The following SLC38A8 variants were observed in gnomAD, a reference collection of about 807,000 sequenced individuals.
SLC38A8 encodes solute carrier family 38 member 8, also known as amino acid transporter SLC38A8.
Under a neutral mutation model 46.0 loss-of-function variants are expected in SLC38A8, and 65 were observed. The observed-to-expected ratio is 1.41, with a 90% CI of 1.16 to 1.74. The LOEUF is 1.74. SLC38A8 is among the 40% of genes most tolerant of loss of function. The pLI, the probability that SLC38A8 is intolerant of heterozygous loss-of-function variation, is 0.00. For synonymous variants in SLC38A8, 447 were observed against 243.7 expected (o/e 1.83, Z -7.77); for missense variants, 998 against 567.9 (o/e 1.76, Z -7.70).
In SLC38A8 at chr16:84,009,755, G is replaced by T. The variant is rs933164490; in HGVS notation, c.*29C>A. On this transcript the variant is annotated 3_prime_UTR_variant, in exon 11 of 11. Coordinates refer to ENST00000299709, the MANE Select transcript of SLC38A8 (RefSeq NM_001080442.3). ...GCCACGTAGGGTCAGCCCCCGGAGG[G>T]CCCCTTCCTGCCCGGCACTAGCTGC... 1.2e-6 allele frequency: 2 copies of T among 1,601,392 alleles called. No individual in the cohort carries two copies. Among genetic ancestry groups the T allele is most frequent in the African/African-American group, 1.3e-5 (1 of 74,284 alleles).
rs9938437 is a variant in SLC38A8 at position 84,019,672 on chromosome 16, G to A, written c.806-2385C>T. On this transcript the variant is annotated intron_variant, in intron 7 of 10. Transcript: ENST00000299709. ...CCCCATGACCCCAAAGTCTTCATTC[G>A]CTCCAGCACCAACTCAGAGGTCCAA... 3.0e-4 allele frequency among the ~76,000 whole-genome samples: 45 copies of A among 152,120 alleles called. 1 individual carries two copies. The highest frequency in any genetic ancestry group is 1.6e-3 in the Admixed American group (24 of 15,276).
chr16:84,037,230 G>A (rs2085310418), intron 2 of SLC38A8, among the ~76,000 whole-genome samples: 1 of 152,234 alleles, frequency 6.6e-6, no homozygotes, highest in Non-Finnish European at 1.5e-5. Flanking sequence ...AAAATCGCCT[G>A]GGCTGTGGGT....
At chr16:84,039,338 A>G (rs945001957) in intron 2 of SLC38A8, among the ~76,000 whole-genome samples, 2 of 152,210 alleles carry the variant, frequency 1.3e-5, no homozygotes. Context: ...GGATTTCTCC[A>G]ATGTCCTCTC....
At chr16:84,023,008 G>A (rs1489967100) in intron 6 of SLC38A8, 119 bp from the exon 7 acceptor site, 1 of 658,104 alleles carries the variant, frequency 1.5e-6, no homozygotes, top group Non-Finnish European at 2.5e-6. Flanking sequence ...TCTTGAAATA[G>A]CCTGATCAAT....
intron 7 of SLC38A8, among the ~76,000 whole-genome samples, chr16:84,018,382 G>A (rs556599081): frequency 4.0e-4 from 60 of 151,852 alleles, no homozygotes; most frequent in Non-Finnish European, 6.6e-4. Flanking sequence ...ACAGACGCCC[G>A]CCACATTTTT....
chr16:84,030,192 G>T (rs976709100), intron 5 of SLC38A8, among the ~76,000 whole-genome samples: 2 of 152,156 alleles, frequency 1.3e-5, no homozygotes, highest in Non-Finnish European at 2.9e-5. Flanking sequence ...TATCAGCCAA[G>T]GAACACAGAT....
chr16:84,025,296 C>A (rs958534391), intron 6 of SLC38A8, among the ~76,000 whole-genome samples: 1 of 152,140 alleles, frequency 6.6e-6, no homozygotes, highest in Non-Finnish European at 1.5e-5. Flanking sequence ...CTGTAGGGAC[C>A]CTACGCAGGA....
chr16:84,033,427 G>T lies in SLC38A8; in HGVS notation c.431C>A (p.Pro144Gln). 1 of 1,612,332 alleles carries T rather than the reference G, an allele frequency of 6.2e-7. No individual in the cohort carries two copies. Among genetic ancestry groups the T allele is most frequent in the South Asian group, 1.1e-5 (1 of 90,888 alleles). ...LLSGTPPAPQPWYADQRFTLP... is the reference protein window; with the variant it reads ...LLSGTPPAPQQWYADQRFTLP... ...GGTGAAGCGCTGGTCTGCGTACCAC[G>T]GCTGCGGGGCGGGCGGGGTGCCAGA... The change falls in exon 4 of 11, where the codon CCG (proline) becomes CAG (glutamine). Residue 144 changes from proline (P) to glutamine (Q), a missense_variant. Coordinates refer to ENST00000299709, the MANE Select transcript of SLC38A8 (RefSeq NM_001080442.3).
chr16:84,012,331 G>A (rs1274942006), intron 10 of SLC38A8, among the ~76,000 whole-genome samples: 1 of 152,200 alleles, frequency 6.6e-6, no homozygotes, highest in East Asian at 1.9e-4. Flanking sequence ...GCAAAGTACA[G>A]AGGCTCAGTC....
intron 4 of SLC38A8, among the ~76,000 whole-genome samples, chr16:84,032,395 G>C (rs896120603): frequency 1.3e-5 from 2 of 152,174 alleles, no homozygotes; most frequent in Non-Finnish European, 1.5e-5. Flanking sequence ...CACCGTGTTG[G>C]TCAGGCTGGT....
intron 6 of SLC38A8, 122 bp from the exon 7 acceptor site, chr16:84,023,011 T>G: frequency 1.6e-6 from 1 of 643,164 alleles, no homozygotes; most frequent in Non-Finnish European, 2.6e-6. Context: ...TGAAATAGCC[T>G]GATCAATCCT....
At chr16:84,029,177 T>G (rs2085206104) in intron 6 of SLC38A8, among the ~76,000 whole-genome samples, 1 of 152,156 alleles carries the variant, frequency 6.6e-6, no homozygotes, top group Non-Finnish European at 1.5e-5. Context: ...GTGGGGGTTC[T>G]GCAGAGGAAG....
chr16:84,040,037 T>G (rs1387555639), intron 2 of SLC38A8: 1 of 152,266 alleles, frequency 6.6e-6, no homozygotes, highest in Non-Finnish European at 1.5e-5. Context: ...GGCCCTAGAC[T>G]GTTTTCATCA....
At chr16:84,027,004 G>A (rs2085172129) in intron 6 of SLC38A8, among the ~76,000 whole-genome samples, 1 of 152,198 alleles carries the variant, frequency 6.6e-6, no homozygotes, top group Admixed American at 6.6e-5. Flanking sequence ...GCACACTTCA[G>A]AAGGGTGAAT....
rs73247362 is a variant in SLC38A8, at chr16:84,032,522, T to C, written c.531-554A>G. ...TAATGGCACCCGGCGCCCTTCGGGA[T>C]GGCAGCTGTAATAGTGTTTCCTTCC... is the stretch of plus-strand genomic sequence containing the variant. On this transcript the variant is annotated intron_variant, in intron 4 of 10. Transcript: ENST00000299709. Among the ~76,000 whole-genome samples the C allele has an allele frequency of 3.4e-3, 525 of 152,262 alleles. 7 individuals carry two copies. The highest frequency in any genetic ancestry group is 0.011 in the African/African-American group (477 of 41,570).
intron 3 of SLC38A8, among the ~76,000 whole-genome samples, chr16:84,033,889 T>C (rs553846885): frequency 2.0e-4 from 30 of 152,312 alleles, no homozygotes; most frequent in African/African-American, 7.0e-4. Context: ...ATGAGCATTG[T>C]AGGTCCTCAT....
At chr16:84,024,421 C>G (rs2085136152) in intron 6 of SLC38A8, among the ~76,000 whole-genome samples, 1 of 152,158 alleles carries the variant, frequency 6.6e-6, no homozygotes, top group Non-Finnish European at 1.5e-5. Flanking sequence ...TCAAGCGACC[C>G]TCCTGCTTTG....
At chr16:84,014,548 CCTCT>C (rs2085002049) in intron 9 of SLC38A8, among the ~76,000 whole-genome samples, 1 of 151,862 alleles carries the variant, frequency 6.6e-6, no homozygotes, top group African/African-American at 2.4e-5. Flanking sequence ...ACACCCCTCT[CCTCT>C]CTAAAAGTTC....
At chr16:84,030,468 C>T (rs1055550386) in intron 5 of SLC38A8, among the ~76,000 whole-genome samples, 1 of 152,064 alleles carries the variant, frequency 6.6e-6, no homozygotes, top group Non-Finnish European at 1.5e-5. Context: ...TTTCTCCTGC[C>T]AGCCCGGACC....
Sources: allele counts gnomAD v4.1 joint callset (sites outside exome capture counted in the v4.1 genomes callset), GRCh38; gene constraint gnomAD v4.1.1; transcripts MANE v1.5; gene names NCBI Gene and HGNC (gene_info 2026-07-23, HGNC 2026-07-21).